The following KCNH1 variants were observed in gnomAD, a reference collection of about 807,000 sequenced individuals.
The protein encoded by KCNH1 is voltage-gated delayed rectifier potassium channel KCNH1.
KCNH1 carries 27 observed loss-of-function variants against 69.2 expected under a neutral mutation model. That is an observed-to-expected ratio of 0.39 (90% CI 0.29 to 0.54). The LOEUF (loss-of-function observed/expected upper bound fraction) is 0.54. KCNH1 is among the 20% of genes least tolerant of loss of function. The pLI is 0.68. For synonymous variants in KCNH1, 456 were observed against 487.7 expected (o/e 0.93, Z 0.86); for missense variants, 798 against 1,261.6 (o/e 0.63, Z 5.57).
chr1:211,032,251 G>C (rs947628392), intron 5 of KCNH1, among the ~76,000 whole-genome samples: 1 of 152,182 alleles, frequency 6.6e-6, no homozygotes, highest in African/African-American at 2.4e-5. Context: ...ACTGCTCAGT[G>C]AAATAAAAGA....
chr1:210,774,698 A>G (rs1683827642), intron 10 of KCNH1, among the ~76,000 whole-genome samples: 1 of 152,196 alleles, frequency 6.6e-6, no homozygotes, highest in African/African-American at 2.4e-5. Flanking sequence ...TACAAGACCA[A>G]TACTTTAATC....
chr1:210,683,899 C>T lies in KCNH1; in HGVS notation c.2352G>A (p.Lys784=), dbSNP rs1260372882. The T allele has an allele frequency of 6.2e-7, 1 of 1,613,606 alleles. No individual in the cohort carries two copies. Among genetic ancestry groups the T allele is most frequent in the East Asian group, 2.2e-5 (1 of 44,860 alleles). Residue 784 remains lysine (K), a synonymous_variant, in exon 11 of 11, where the codon AAG becomes AAA. Transcript: ENST00000271751. The surrounding 1 kb of genome is among the most constrained non-coding windows in gnomAD (Gnocchi z 5.7). ...TCTCACGCACGGTGACCACGCTGGC[C>T]TTCACGAGGCTGTGGTTGGCGGAGG... is the stretch of plus-strand genomic sequence containing the variant. The part of the protein sequence containing the change: ...EHASANHSLV[K]ASVVTVRESP...
At chr1:210,731,220 G>A (rs2149031446) in intron 10 of KCNH1, among the ~76,000 whole-genome samples, 1 of 152,254 alleles carries the variant, frequency 6.6e-6, no homozygotes, top group Non-Finnish European at 1.5e-5. Flanking sequence ...GTTATTTGTT[G>A]TTACAGTGAG....
At chr1:211,122,364 T>A (rs1691703996) in intron 1 of KCNH1, among the ~76,000 whole-genome samples, 1 of 152,158 alleles carries the variant, frequency 6.6e-6, no homozygotes. Context: ...AGGAACGCTT[T>A]TACACTGTTG....
chr1:211,037,696 CT>C (rs1689922976), intron 5 of KCNH1, among the ~76,000 whole-genome samples: 1 of 152,006 alleles, frequency 6.6e-6, no homozygotes, highest in Admixed American at 6.6e-5. Context: ...GCCTGTCTCT[CT>C]TAAGAGTACC....
intron 7 of KCNH1, among the ~76,000 whole-genome samples, chr1:210,809,426 A>T (rs888288334): frequency 6.6e-6 from 1 of 152,150 alleles, no homozygotes; most frequent in Non-Finnish European, 1.5e-5. Flanking sequence ...ACACTTCAAG[A>T]GGGAGAAGAA....
intron 10 of KCNH1, among the ~76,000 whole-genome samples, chr1:210,688,669 T>G (rs913154734): frequency 1.8e-4 from 27 of 152,336 alleles, no homozygotes; most frequent in African/African-American, 6.3e-4. Context: ...TCCTGGCTGA[T>G]TTTATTTTTT....
intron 7 of KCNH1, chr1:210,861,283 T>G: frequency 3.3e-6 from 3 of 909,396 alleles, no homozygotes; most frequent in Non-Finnish European, 5.6e-6. Context: ...CATGAGAAAC[T>G]CCTTGATTAA....
chr1:210,909,455 C>T (rs1423440156), intron 7 of KCNH1, among the ~76,000 whole-genome samples: 2 of 152,182 alleles, frequency 1.3e-5, no homozygotes, highest in African/African-American at 2.4e-5. Context: ...CATCTGTGGC[C>T]CTGGAGTGAA....
chr1:211,050,787 G>A (rs1690191390), intron 5 of KCNH1, among the ~76,000 whole-genome samples: 2 of 152,106 alleles, frequency 1.3e-5, no homozygotes, highest in Admixed American at 1.3e-4. Context: ...AGGTAGAAAG[G>A]TGACATGAGC....
chr1:211,113,215 C>A (rs764309138), intron 1 of KCNH1, among the ~76,000 whole-genome samples: 2 of 152,062 alleles, frequency 1.3e-5, no homozygotes, highest in Non-Finnish European at 2.9e-5. Context: ...CCATTTATAC[C>A]AGGGTAAAGT....
Position 210,894,117 on chromosome 1 carries a change from T to C in KCNH1, c.1462+25523A>G, listed in dbSNP as rs145959970. Among the ~76,000 whole-genome samples the C allele has an allele frequency of 1.2e-4, 18 of 152,352 alleles. No individual in the cohort carries two copies. The East Asian group carries it at 3.1e-3, about 26-fold the overall frequency. On this transcript the variant is annotated intron_variant, in intron 7 of 10. Transcript: ENST00000271751. ...TGTATTTTCTTCTTTCTTTGCTTAATTGGTCATTTTTATTGAATGTCAGAC... is the reference window on the plus strand; with the variant it reads ...TGTATTTTCTTCTTTCTTTGCTTAACTGGTCATTTTTATTGAATGTCAGAC...
chr1:211,110,677 A>G (rs754992353), intron 1 of KCNH1, among the ~76,000 whole-genome samples: 9 of 152,182 alleles, frequency 5.9e-5, no homozygotes, highest in Admixed American at 2.6e-4. Flanking sequence ...AGCAAAGAGA[A>G]CAATGATGAA....
intron 6 of KCNH1, among the ~76,000 whole-genome samples, chr1:211,004,403 A>C (rs933589292): frequency 2.0e-5 from 3 of 152,176 alleles, no homozygotes; most frequent in African/African-American, 7.2e-5. Context: ...AACATATAAG[A>C]AAGTAAAAGA....
At position 210,683,544 on chromosome 1, in the gene KCNH1, G is replaced by A. The variant is rs1167387824; in HGVS notation, c.2707C>T (p.Arg903Trp). Residue 903 changes from arginine to tryptophan, a missense_variant, in exon 11 of 11, where the codon CGG becomes TGG. Arg to Trp is a moderately radical substitution (Grantham distance 101). Coordinates refer to ENST00000271751, the MANE Select transcript of KCNH1 (RefSeq NM_172362.3). This position sits in a 1 kb window ranked among gnomAD's most constrained non-coding sequence, Gnocchi z 5.7. ...NVGEARSPQD[R>W]SPILAEVKHS... is the part of the protein sequence containing the mutation. ...TTGACCTCTGCCAGGATGGGACTCCGATCCTGGGGACTCCTGGCCTCACCC... is the reference window on the plus strand; with the variant it reads ...TTGACCTCTGCCAGGATGGGACTCCAATCCTGGGGACTCCTGGCCTCACCC... 4.3e-6 allele frequency: 7 copies of A among 1,613,982 alleles called. No individual in the cohort carries two copies. The highest frequency in any genetic ancestry group is 1.7e-5 in the Admixed American group (1 of 59,996).
intron 1 of KCNH1, among the ~76,000 whole-genome samples, chr1:211,126,779 C>T (rs185283305): frequency 1.3e-5 from 2 of 151,186 alleles, no homozygotes; most frequent in African/African-American, 4.9e-5. Flanking sequence ...AAAACTCACA[C>T]CAATGGATGA....
At chr1:210,839,083 C>G (rs1202621138) in intron 7 of KCNH1, among the ~76,000 whole-genome samples, 1 of 152,124 alleles carries the variant, frequency 6.6e-6, no homozygotes, top group Non-Finnish European at 1.5e-5. Context: ...GAATATAAGT[C>G]ATTTTATTAT....
intron 6 of KCNH1, among the ~76,000 whole-genome samples, chr1:210,963,888 A>T (rs1326559993): frequency 6.6e-6 from 1 of 152,188 alleles, no homozygotes; most frequent in African/African-American, 2.4e-5. Flanking sequence ...ATCCAGGAGA[A>T]CTCCCCCAAT....
At chr1:210,924,439 T>C (rs896839567) in intron 6 of KCNH1, among the ~76,000 whole-genome samples, 14 of 152,234 alleles carry the variant, frequency 9.2e-5, no homozygotes, top group East Asian at 3.9e-4. Context: ...TATGTGTACA[T>C]TGATACTCTA....
Sources: allele counts gnomAD v4.1 joint callset (sites outside exome capture counted in the v4.1 genomes callset), GRCh38; gene constraint gnomAD v4.1.1; non-coding constraint Gnocchi (gnomAD v3.1); transcripts MANE v1.5; gene names NCBI Gene and HGNC (gene_info 2026-07-23, HGNC 2026-07-21).